Variants in PLEKHG7 observed in about 807,000 individuals in gnomAD.
The protein encoded by PLEKHG7 is pleckstrin homology domain-containing family G member 7.
PLEKHG7 carries 77 observed loss-of-function variants against 85.2 expected under a neutral mutation model. The observed-to-expected ratio is 0.90, with a 90% CI of 0.75 to 1.09. The LOEUF is 1.09. Among genes scored for constraint, PLEKHG7 ranks in the 50% least tolerant of loss-of-function variants. The pLI, the probability that PLEKHG7 is intolerant of heterozygous loss-of-function variation, is 0.00. For missense variants in PLEKHG7, 777 were observed against 804.3 expected, an observed-to-expected ratio of 0.97 and a Z score of 0.41; for synonymous variants, 301 against 302.4, an observed-to-expected ratio of 1.00 and a Z score of 0.05.
At chr12:92,707,363 T>C in intron 2 of PLEKHG7, 1 of 1,429,142 alleles carries the variant, frequency 7.0e-7, no homozygotes, top group Non-Finnish European at 9.1e-7. Context: ...TCTTCTGTCC[T>C]TAGAGGCACT....
chr12:92,764,279 C>A (rs1873122818), intron 15 of PLEKHG7, 85 bp downstream of exon 15: 3 of 1,328,760 alleles, frequency 2.3e-6, no homozygotes, highest in Non-Finnish European at 2.0e-6. Context: ...GGTCATAAAT[C>A]CAATTCAAGT....
At chr12:92,718,053 G>A (rs917846396) in intron 3 of PLEKHG7, among the ~76,000 whole-genome samples, 3 of 152,140 alleles carry the variant, frequency 2.0e-5, no homozygotes, top group Non-Finnish European at 4.4e-5. Flanking sequence ...TAATGTATCT[G>A]ACCTTTAGGT....
At chr12:92,717,403 G>A (rs1871521433) in intron 3 of PLEKHG7, among the ~76,000 whole-genome samples, 1 of 152,144 alleles carries the variant, frequency 6.6e-6, no homozygotes, top group Non-Finnish European at 1.5e-5. Context: ...AAATCTACTG[G>A]AGTCAAACTC....
chr12:92,760,854 G>C (rs1241250964), intron 13 of PLEKHG7, among the ~76,000 whole-genome samples: 1 of 152,186 alleles, frequency 6.6e-6, no homozygotes, highest in Non-Finnish European at 1.5e-5. Flanking sequence ...TCTAAAACTT[G>C]AGAAATAAGT....
chr12:92,732,763 G>A (rs1417808749), intron 5 of PLEKHG7, among the ~76,000 whole-genome samples: 2 of 152,092 alleles, frequency 1.3e-5, no homozygotes, highest in East Asian at 3.9e-4. Context: ...ATCAATAATT[G>A]ACGAGTTATC....
At chr12:92,721,474 A>ATGGATCTGGCTAGCT in intron 3 of PLEKHG7, 1 of 1,148,774 alleles carries the variant, frequency 8.7e-7, no homozygotes, top group East Asian at 3.9e-5. Context: ...TCCAGCAGCC[A>ATGGATCTGGCTAGCT]TGGGACTAGT....
intron 13 of PLEKHG7, among the ~76,000 whole-genome samples, chr12:92,757,861 A>G (rs1442380434): frequency 6.6e-6 from 1 of 152,200 alleles, no homozygotes; most frequent in African/African-American, 2.4e-5. Context: ...GTGATAGGTT[A>G]AAAGGGTGTT....
In PLEKHG7 at chr12:92,713,445, T is replaced by C. The variant is rs1871403257; in HGVS notation, c.530+5773T>C. On this transcript the variant is annotated intron_variant, in intron 3 of 16. Coordinates refer to ENST00000344636, the MANE Select transcript of PLEKHG7 (RefSeq NM_001377329.1). ...TCTGATTGCCGCTTTGCCTCTTCCG[T>C]CCATTATGGTAGCTACACCCACCTT... is the stretch of plus-strand genomic sequence containing the variant. Among the ~76,000 whole-genome samples the C allele has an allele frequency of 5.3e-5, 8 of 152,322 alleles. No individual in the cohort carries two copies. In the South Asian group the frequency reaches 1.7e-3, roughly 32 times the overall value.
rs1268323397 is a variant in PLEKHG7, at chr12:92,755,854, G to T, written c.1456G>T (p.Asp486Tyr). 2 of 1,613,356 alleles carry T rather than the reference G, an allele frequency of 1.2e-6. No homozygotes were observed. Among genetic ancestry groups the T allele is most frequent in the African/African-American group, 2.7e-5 (2 of 74,828 alleles). ...CCTTGAAGGAAAAGTGAAGTGGCTG[G>T]ACAATTTCCAAAAATTTAGATATCT... ...RDLEGKVKWL[D>Y]NFQKFRYLQE... Residue 486 changes from aspartate (D) to tyrosine (Y), a missense_variant, in exon 12 of 17, where the codon GAC becomes TAC. Around this residue, in one of 3 missense-constraint regions of PLEKHG7, gnomAD observed 520 missense variants for 544.0 expected, o/e 0.96. Transcript: ENST00000344636.
chr12:92,764,170 A>G lies in PLEKHG7; in HGVS notation c.1846A>G (p.Ser616Gly). 2.5e-6 allele frequency: 4 copies of G among 1,607,404 alleles called. No homozygotes were observed. Among genetic ancestry groups the G allele is most frequent in the Non-Finnish European group, 3.4e-6 (4 of 1,176,560 alleles). The change falls in exon 15 of 17, where the codon AGT (serine) becomes GGT (glycine). Residue 616 changes from serine (S) to glycine (G), a missense_variant. Physicochemically the swap from Ser to Gly is moderately conservative, Grantham distance 56. Transcript: ENST00000344636. Reference sequence around the variant, plus strand: ...TCCACTAGATAGATTGGTAGTCAAAAGTATTGAACCACTCCATGTGTCAGG... The same window carrying G: ...TCCACTAGATAGATTGGTAGTCAAAGGTATTGAACCACTCCATGTGTCAGG... Reference protein sequence around the residue: ...PIPLDRLVVKSIEPLHVSVFG... With the variant: ...PIPLDRLVVKGIEPLHVSVFG...
chr12:92,722,308 A>T (rs748401216), intron 3 of PLEKHG7, among the ~76,000 whole-genome samples: 2 of 152,154 alleles, frequency 1.3e-5, no homozygotes, highest in Non-Finnish European at 1.5e-5. Context: ...TTTCCGCACC[A>T]ATCCATGTCT....
intron 7 of PLEKHG7, 50 bp downstream of exon 7, chr12:92,737,571 T>A (rs1195664478): frequency 2.6e-6 from 4 of 1,550,066 alleles, no homozygotes; most frequent in Non-Finnish European, 3.5e-6. Flanking sequence ...TAATTTGTTT[T>A]TTTGGGCACT....
rs544801664 is a variant in PLEKHG7 at position 92,704,825 on chromosome 12, G to T, written c.-161-1646G>T. On this transcript the variant is annotated intron_variant, in intron 1 of 16. Coordinates refer to ENST00000344636, the MANE Select transcript of PLEKHG7 (RefSeq NM_001377329.1). The stretch of plus-strand genomic sequence containing the variant: ...ACTTCTAGGCTCAAGGGATCCTCCC[G>T]CCTTTGCCTCCCAAAGTGCTCGGAT... Among the ~76,000 whole-genome samples the T allele has an allele frequency of 2.0e-5, 3 of 152,094 alleles. No homozygotes were observed. In the South Asian group the frequency reaches 6.2e-4, roughly 32 times the overall value.
intron 13 of PLEKHG7, 82 bp from the exon 14 acceptor site, chr12:92,761,670 G>GAAAGAA: frequency 7.8e-7 from 1 of 1,278,762 alleles, no homozygotes; most frequent in Non-Finnish European, 1.0e-6. Flanking sequence ...AAGAAAGAAA[G>GAAAGAA]AAAGAAAGAA....
Position 92,706,735 on chromosome 12 carries a change from T to C in PLEKHG7, c.104T>C (p.Leu35Pro), listed in dbSNP as rs1007124744. ...CTGCCAAAGAACCAGGGGAGTCTCC[T>C]CCAGTTTGACCGGCAAGCCCCAGGC... ...RSLPKNQGSLLQFDRQAPGRI... is the reference protein window; with the variant it reads ...RSLPKNQGSLPQFDRQAPGRI... Residue 35 changes from leucine (L) to proline (P), a missense_variant, in exon 2 of 17, where the codon CTC becomes CCC. By Grantham distance (98) the Leu-to-Pro change is moderately conservative. This residue lies in a region of PLEKHG7 where 252 missense variants were observed against 241.9 expected (regional missense o/e 1.04). Transcript: ENST00000344636. 1 of 1,613,934 alleles carries C rather than the reference T, an allele frequency of 6.2e-7. No homozygotes were observed. Among genetic ancestry groups the C allele is most frequent in the Non-Finnish European group, 8.5e-7 (1 of 1,180,012 alleles).
intron 7 of PLEKHG7, among the ~76,000 whole-genome samples, chr12:92,740,253 CTGT>C (rs1004386829): frequency 6.6e-6 from 1 of 152,140 alleles, no homozygotes; most frequent in Non-Finnish European, 1.5e-5. Flanking sequence ...GGCAGGCTAT[CTGT>C]AAGTGAGGAT....
intron 3 of PLEKHG7, among the ~76,000 whole-genome samples, chr12:92,726,345 G>T (rs865786531): frequency 6.6e-6 from 1 of 152,112 alleles, no homozygotes; most frequent in Non-Finnish European, 1.5e-5. Flanking sequence ...TATCCAAAAG[G>T]GTGTGACAAA....
At chr12:92,761,627 A>G (rs752598033) in intron 13 of PLEKHG7, 125 bp from the exon 14 acceptor site, 163 of 79,304 alleles carry the variant, frequency 2.1e-3, no homozygotes, top group African/African-American at 0.015. Context: ...AAGAAAGAAG[A>G]AAGAAAGAAA....
intron 13 of PLEKHG7, 93 bp from the exon 14 acceptor site, chr12:92,761,642 GAAAGAAAGAAAGAAAGA>G (rs1873020424): frequency 2.2e-5 from 17 of 779,312 alleles, no homozygotes; most frequent in East Asian, 1.3e-4. Flanking sequence ...AAGAAAGAAA[GAAAGAAAGAAAGAAAGA>G]AAGAAAGAAA....
Sources: allele counts gnomAD v4.1 joint callset (sites outside exome capture counted in the v4.1 genomes callset), GRCh38; gene constraint gnomAD v4.1.1; regional missense constraint gnomAD v4.1.1; transcripts MANE v1.5; gene names NCBI Gene and HGNC (gene_info 2026-07-23, HGNC 2026-07-21).